Variants in CCDC102B observed in about 807,000 individuals in gnomAD.
The protein encoded by CCDC102B is coiled-coil domain-containing protein 102B.
CCDC102B carries 75 observed loss-of-function variants against 57.4 expected under a neutral mutation model. That is an observed-to-expected ratio of 1.31 (90% CI 1.08 to 1.58). The LOEUF (loss-of-function observed/expected upper bound fraction) is 1.58, where lower values mean the gene tolerates loss of function less well. CCDC102B is among the 40% of genes most tolerant of loss of function. The probability of loss-of-function intolerance (pLI) is 0.00; values close to 1 mark genes in which losing one functional copy is unlikely to be tolerated. For missense variants in CCDC102B, 636 were observed against 582.6 expected, an observed-to-expected ratio of 1.09 and a Z score of -0.94; for synonymous variants, 206 against 201.9, an observed-to-expected ratio of 1.02 and a Z score of -0.17.
intron 5 of CCDC102B, among the ~76,000 whole-genome samples, chr18:68,886,422 A>G (rs887898442): frequency 7.4e-6 from 1 of 134,500 alleles, no homozygotes; most frequent in Non-Finnish European, 1.6e-5. Context: ...TGGAAGATGA[A>G]GTATTTGGAT....
chr18:69,013,139 G>A (rs2051565315), intron 7 of CCDC102B, among the ~76,000 whole-genome samples: 1 of 152,132 alleles, frequency 6.6e-6, no homozygotes, highest in Admixed American at 6.5e-5. Context: ...GTGCCCATCA[G>A]TGGAGGAGTG....
chr18:68,797,315 A>G (rs2035664710), upstream of CCDC102B, among the ~76,000 whole-genome samples: 1 of 152,162 alleles, frequency 6.6e-6, no homozygotes, highest in African/African-American at 2.4e-5. Context: ...TTGCTACTTA[A>G]AAGGAGCAAG....
At chr18:68,862,630 T>C (rs2038811435) in intron 4 of CCDC102B, among the ~76,000 whole-genome samples, 1 of 152,076 alleles carries the variant, frequency 6.6e-6, no homozygotes, top group South Asian at 2.1e-4. Context: ...AGAGTAATAA[T>C]GTCTTCAAGA....
intron 2 of CCDC102B, among the ~76,000 whole-genome samples, chr18:68,765,316 G>A (rs510531): frequency 0.054 from 1,955 of 36,198 alleles, 20 homozygotes; most frequent in East Asian, 0.18. Context: ...AAGGAAGGAA[G>A]GAAGGAAGGA....
intron 4 of CCDC102B, among the ~76,000 whole-genome samples, chr18:68,856,952 CTA>C (rs1181427753): frequency 1.4e-5 from 2 of 143,770 alleles, no homozygotes; most frequent in Non-Finnish European, 3.0e-5. Context: ...CACATACAGT[CTA>C]TATATATACA....
At chr18:68,914,892 C>T (rs1215298663) in intron 6 of CCDC102B, among the ~76,000 whole-genome samples, 2 of 151,932 alleles carry the variant, frequency 1.3e-5, no homozygotes, top group East Asian at 1.9e-4. Context: ...TACATTGTTT[C>T]ACATAAAATC....
intron 5 of CCDC102B, among the ~76,000 whole-genome samples, chr18:68,895,519 AATT>A (rs2040212187): frequency 1.3e-5 from 2 of 151,794 alleles, no homozygotes. Context: ...ACAGTATAAT[AATT>A]ATAAAGTATG....
chr18:68,878,066 T>C (rs1023164960), intron 5 of CCDC102B, among the ~76,000 whole-genome samples: 11 of 152,192 alleles, frequency 7.2e-5, no homozygotes, highest in African/African-American at 2.7e-4. Flanking sequence ...CTATATTCAT[T>C]TGGAATATGA....
intron 6 of CCDC102B, among the ~76,000 whole-genome samples, chr18:68,982,997 G>A (rs2050632249): frequency 6.6e-6 from 1 of 151,766 alleles, no homozygotes; most frequent in Non-Finnish European, 1.5e-5. Flanking sequence ...CAAACCACAA[G>A]GATTTGTACC....
intron 7 of CCDC102B, among the ~76,000 whole-genome samples, chr18:69,049,680 A>T (rs73457735): frequency 0.033 from 4,966 of 152,272 alleles, 284 homozygotes; most frequent in African/African-American, 0.11. Context: ...TTAATGGTTA[A>T]CCTAGAAAAA....
chr18:68,791,615 A>AGTGT (rs1258901089), intron 2 of CCDC102B, among the ~76,000 whole-genome samples: 3 of 110,218 alleles, frequency 2.7e-5, no homozygotes, highest in Non-Finnish European at 5.9e-5. Flanking sequence ...GTGTAAATAG[A>AGTGT]GTGTGTGTAT....
At chr18:69,006,302 G>T (rs184439666) in intron 6 of CCDC102B, among the ~76,000 whole-genome samples, 1 of 152,268 alleles carries the variant, frequency 6.6e-6, no homozygotes, top group African/African-American at 2.4e-5. Flanking sequence ...CGTACGGAAA[G>T]AACAAAATGA....
At chr18:68,811,954 T>A (rs919962471) in intron 1 of CCDC102B, among the ~76,000 whole-genome samples, 1 of 152,196 alleles carries the variant, frequency 6.6e-6, no homozygotes, top group African/African-American at 2.4e-5. Context: ...AGTCACTGAA[T>A]GTGGTACCTT....
chr18:68,757,506 T>TA (rs534667054), intron 2 of CCDC102B, among the ~76,000 whole-genome samples: 7 of 152,098 alleles, frequency 4.6e-5, no homozygotes, highest in South Asian at 2.1e-4. Flanking sequence ...AATTTTCTCT[T>TA]AAAAAAACAG....
chr18:68,778,354 C>A (rs1360214015), intron 2 of CCDC102B, among the ~76,000 whole-genome samples: 3 of 152,050 alleles, frequency 2.0e-5, no homozygotes, highest in South Asian at 2.1e-4. Flanking sequence ...TTGATTTCTA[C>A]CATTTCTGTA....
intron 2 of CCDC102B, among the ~76,000 whole-genome samples, chr18:68,750,084 GA>G (rs1305102079): frequency 7.3e-5 from 11 of 151,592 alleles, no homozygotes; most frequent in Non-Finnish European, 5.9e-5. Flanking sequence ...AAATTTACAA[GA>G]AAAAAAACAA....
upstream of CCDC102B, among the ~76,000 whole-genome samples, chr18:68,796,761 A>G (rs2035642514): frequency 6.6e-6 from 1 of 152,012 alleles, no homozygotes; most frequent in Non-Finnish European, 1.5e-5. Context: ...TGTGAACAGT[A>G]TGAAAGGCTG....
intron 7 of CCDC102B, among the ~76,000 whole-genome samples, chr18:69,045,675 G>A (rs1001322834): frequency 2.0e-5 from 3 of 152,000 alleles, no homozygotes; most frequent in African/African-American, 7.2e-5. Flanking sequence ...ACAGGGGCAT[G>A]GTGTACAGAT....
At chr18:68,868,087 A>T (rs1442467613) in intron 4 of CCDC102B, among the ~76,000 whole-genome samples, 1 of 152,120 alleles carries the variant, frequency 6.6e-6, no homozygotes, top group East Asian at 1.9e-4. Context: ...CAGAAAAAAA[A>T]ACTTCTTAAT....
Sources: gnomAD v4.1 joint callset for allele counts (sites outside exome capture counted in the v4.1 genomes callset) on GRCh38, gnomAD v4.1.1 for gene constraint, MANE v1.5 for transcripts, NCBI Gene and HGNC (gene_info 2026-07-23, HGNC 2026-07-21) for gene names.